ZBTB20: variants seen among roughly 807,000 people sequenced by gnomAD.
The protein encoded by ZBTB20 is zinc finger and BTB domain-containing protein 20.
Under a neutral mutation model 56.9 loss-of-function variants are expected in ZBTB20, and 9 were observed. That is an observed-to-expected ratio of 0.16 (90% confidence interval 0.10 to 0.28). ZBTB20 has a LOEUF of 0.28. ZBTB20 is among the 10% of genes least tolerant of loss of function. The pLI is 1.00. For missense variants in ZBTB20, 655 were observed against 1,003.0 expected (o/e 0.65, Z 4.69); for synonymous variants, 417 against 420.7 (o/e 0.99, Z 0.11).
chr3:114,748,100 G>GT (rs928496030), intron 5 of ZBTB20, among the ~76,000 whole-genome samples: 13 of 152,180 alleles, frequency 8.5e-5, no homozygotes, highest in African/African-American at 3.1e-4. Flanking sequence ...AACTGTCAGA[G>GT]TGAGAAAAGG....
chr3:114,852,306 C>G (rs1038109283), intron 4 of ZBTB20, among the ~76,000 whole-genome samples: 24 of 152,058 alleles, frequency 1.6e-4, no homozygotes, highest in Non-Finnish European at 2.9e-4. Flanking sequence ...CTCTGTTGCC[C>G]TAGCTGGAGT....
At chr3:115,015,359 G>A (rs1014187110) in intron 2 of ZBTB20, among the ~76,000 whole-genome samples, 2 of 151,738 alleles carry the variant, frequency 1.3e-5, no homozygotes, top group African/African-American at 4.8e-5. Flanking sequence ...GTGCAAGTTT[G>A]TTACGTGGGT....
chr3:114,474,905 C>T (rs1292500192), intron 7 of ZBTB20, among the ~76,000 whole-genome samples: 1 of 152,090 alleles, frequency 6.6e-6, no homozygotes, highest in Non-Finnish European at 1.5e-5. Context: ...GTCCTCTGGT[C>T]TCTCCCTACT....
At chr3:114,350,152 G>T in intron 11 of ZBTB20, 122 bp downstream of exon 11, 1 of 1,387,250 alleles carries the variant, frequency 7.2e-7, no homozygotes, top group Non-Finnish European at 9.8e-7. Context: ...GAGGCTTGTG[G>T]TGGGGTCTGT....
intron 7 of ZBTB20, among the ~76,000 whole-genome samples, chr3:114,401,083 G>GACACACCCACACACACAC (rs1263543374): frequency 1.4e-4 from 19 of 133,022 alleles, no homozygotes; most frequent in African/African-American, 5.8e-4. Flanking sequence ...CTACCTCCCA[G>GACACACCCACACACACAC]ACACACACAC....
At chr3:114,991,612 T>C (rs1028731914) in intron 2 of ZBTB20, among the ~76,000 whole-genome samples, 4 of 152,136 alleles carry the variant, frequency 2.6e-5, no homozygotes, top group Non-Finnish European at 4.4e-5. Context: ...TGTAGATGTC[T>C]ATTAGGTCTG....
chr3:114,990,130 C>T (rs2078736581), intron 2 of ZBTB20, among the ~76,000 whole-genome samples: 1 of 152,078 alleles, frequency 6.6e-6, no homozygotes. Flanking sequence ...CCAGAACTTC[C>T]AACACTATGT....
At chr3:114,680,964 G>A (rs1381096810) in intron 6 of ZBTB20, among the ~76,000 whole-genome samples, 6 of 152,132 alleles carry the variant, frequency 3.9e-5, no homozygotes, top group Non-Finnish European at 8.8e-5. Flanking sequence ...CTTGCCCAGA[G>A]ATACTAATTG....
intron 5 of ZBTB20, among the ~76,000 whole-genome samples, chr3:114,727,969 A>G (rs986596437): frequency 6.6e-6 from 1 of 152,176 alleles, no homozygotes; most frequent in Non-Finnish European, 1.5e-5. Context: ...CAGCAGCCCA[A>G]TAATACAGGA....
intron 4 of ZBTB20, chr3:114,873,773 G>C (rs1204586387): frequency 1.3e-5 from 2 of 152,136 alleles, no homozygotes; most frequent in African/African-American, 4.8e-5. Context: ...TAATTTTCCA[G>C]CCAAATTCCC....
Position 114,351,046 on chromosome 3 carries a change from C to A in ZBTB20, c.1032G>T (p.Arg344Ser). 1 of 1,611,856 alleles carries A rather than the reference C, an allele frequency of 6.2e-7. No individual in the cohort carries two copies. The highest frequency in any genetic ancestry group is 8.5e-7 in the Non-Finnish European group (1 of 1,179,908). Residue 344 changes from arginine to serine, a missense_variant, in exon 11 of 12, where the codon AGG becomes AGT. Transcript: ENST00000675478. ...ATTCGTTGCGTTCCAGGATCTGCACCCTTTGCTGCCCGTAGTAGTCGTAAT... is the reference window on the plus strand; with the variant it reads ...ATTCGTTGCGTTCCAGGATCTGCACACTTTGCTGCCCGTAGTAGTCGTAAT... ...EDDYDYYGQQRVQILERNESE... is the reference protein window; with the variant it reads ...EDDYDYYGQQSVQILERNESE...
Position 114,495,454 on chromosome 3 carries a change from C to T in ZBTB20, c.-255+4898G>A, listed in dbSNP as rs1244455943. ...GTGTATCAGTGCAAGTCTGTGTATA[C>T]ACACACACACACACACACACACAGT... On this transcript the variant is annotated intron_variant, in intron 7 of 11. Coordinates refer to ENST00000675478, the MANE Select transcript of ZBTB20 (RefSeq NM_001348800.3). 2.8e-5 allele frequency among the ~76,000 whole-genome samples: 4 copies of T among 140,924 alleles called. No homozygotes were observed. The East Asian group carries it at 7.9e-4, about 28-fold the overall frequency. The allele number at this position is 140,924 out of a possible 152,430, so 92.5% of individuals were successfully genotyped here.
chr3:114,341,038 T>C (rs1394687804), intron 11 of ZBTB20, among the ~76,000 whole-genome samples: 1 of 152,220 alleles, frequency 6.6e-6, no homozygotes, highest in Non-Finnish European at 1.5e-5. Flanking sequence ...ATGTTCATGA[T>C]CCATTTTATT....
intron 7 of ZBTB20, among the ~76,000 whole-genome samples, chr3:114,449,547 C>T (rs1489292228): frequency 6.6e-6 from 1 of 151,894 alleles, no homozygotes; most frequent in Non-Finnish European, 1.5e-5. Flanking sequence ...TCTTCGATAG[C>T]GATGACAACA....
intron 4 of ZBTB20, among the ~76,000 whole-genome samples, chr3:114,831,649 A>G (rs2073850763): frequency 1.3e-5 from 2 of 152,070 alleles, no homozygotes; most frequent in Non-Finnish European, 2.9e-5. Flanking sequence ...GGAGTGAATG[A>G]ATACTTAACT....
intron 5 of ZBTB20, among the ~76,000 whole-genome samples, chr3:114,757,959 T>A (rs561466749): frequency 6.6e-6 from 1 of 152,274 alleles, no homozygotes; most frequent in Admixed American, 6.5e-5. Context: ...CTTGCAATTA[T>A]TAATTAGTTA....
chr3:115,016,987 C>T (rs1394392851), intron 2 of ZBTB20, among the ~76,000 whole-genome samples: 1 of 151,582 alleles, frequency 6.6e-6, no homozygotes, highest in Non-Finnish European at 1.5e-5. Context: ...CAAGGATGCC[C>T]TCTCTCACCA....
chr3:114,987,161 A>G (rs2078582181), intron 2 of ZBTB20, among the ~76,000 whole-genome samples: 1 of 152,156 alleles, frequency 6.6e-6, no homozygotes, highest in African/African-American at 2.4e-5. Flanking sequence ...TAACATGATA[A>G]AGTCTGCTTC....
At chr3:114,564,959 T>C (rs1030443574) in intron 6 of ZBTB20, among the ~76,000 whole-genome samples, 4 of 152,158 alleles carry the variant, frequency 2.6e-5, no homozygotes, top group African/African-American at 9.7e-5. Flanking sequence ...ACCTAAAATA[T>C]CTGCTTGCCT....
Sources: allele counts gnomAD v4.1 joint callset (sites outside exome capture counted in the v4.1 genomes callset), GRCh38; gene constraint gnomAD v4.1.1; transcripts MANE v1.5; gene names NCBI Gene and HGNC (gene_info 2026-07-23, HGNC 2026-07-21).